The following PDGFRA variants were observed in gnomAD, a reference collection of about 807,000 sequenced individuals.
PDGFRA encodes platelet derived growth factor receptor alpha, also known as platelet-derived growth factor receptor alpha.
A neutral mutation model predicts 121.5 loss-of-function variants in PDGFRA; 25 were observed. The ratio of observed to expected loss-of-function variants is 0.21; its 90% confidence interval spans 0.15 to 0.29. The LOEUF (loss-of-function observed/expected upper bound fraction) is 0.29. PDGFRA is among the 10% of genes least tolerant of loss of function. The pLI is 1.00. For synonymous variants in PDGFRA, 463 were observed against 494.8 expected (o/e 0.94, Z 0.85); for missense variants, 1,008 against 1,345.1 (o/e 0.75, Z 3.92).
chr4:54,231,230 T>C (rs961417796), intron 1 of PDGFRA, among the ~76,000 whole-genome samples: 8 of 152,308 alleles, frequency 5.3e-5, no homozygotes, highest in Admixed American at 1.3e-4. Context: ...CAAGCATGGA[T>C]GGGGCCCATA....
At chr4:54,247,518 A>G (rs1292084872) in intron 1 of PDGFRA, among the ~76,000 whole-genome samples, 1 of 152,038 alleles carries the variant, frequency 6.6e-6, no homozygotes, top group Non-Finnish European at 1.5e-5. Context: ...AAAATTCAAC[A>G]ACCCTTCATG....
At chr4:54,254,072 C>G (rs922587893) in intron 1 of PDGFRA, among the ~76,000 whole-genome samples, 45 of 152,172 alleles carry the variant, frequency 3.0e-4, no homozygotes, top group Non-Finnish European at 5.7e-4. Flanking sequence ...TAGGTGAGCT[C>G]CAGAATAGCA....
At chr4:54,239,500 G>A (rs1432418705) in intron 1 of PDGFRA, among the ~76,000 whole-genome samples, 1 of 152,146 alleles carries the variant, frequency 6.6e-6, no homozygotes, top group African/African-American at 2.4e-5. Flanking sequence ...ATCTTTTCTG[G>A]TGACCAATGA....
intron 2 of PDGFRA, among the ~76,000 whole-genome samples, chr4:54,260,527 G>A (rs1381066969): frequency 6.7e-6 from 1 of 149,572 alleles, no homozygotes; most frequent in East Asian, 2.0e-4. Context: ...AGCCTCCAGA[G>A]TAGCTAGGAC....
chr4:54,229,611 T>G (rs904240463), intron 1 of PDGFRA, among the ~76,000 whole-genome samples, 196 bp downstream of exon 1: 27 of 152,030 alleles, frequency 1.8e-4, no homozygotes, highest in Admixed American at 1.0e-3. Flanking sequence ...GAGATAACCA[T>G]AGAGTTAGAA....
chr4:54,269,957 CT>C (rs1321759098), intron 7 of PDGFRA, among the ~76,000 whole-genome samples: 3 of 151,760 alleles, frequency 2.0e-5, no homozygotes, highest in African/African-American at 7.3e-5. Flanking sequence ...CAGCCTATAA[CT>C]TTTTTTTAAT....
chr4:54,291,663 C>T (rs1425147738), intron 22 of PDGFRA, among the ~76,000 whole-genome samples: 7 of 152,108 alleles, frequency 4.6e-5, no homozygotes, highest in East Asian at 1.9e-4. Context: ...AAAGGGGAAG[C>T]GTATACACTG....
In PDGFRA at chr4:54,287,441, C is replaced by A. The variant is rs771421611; in HGVS notation, c.2574C>A (p.Pro858=). 4.2e-6 allele frequency: 6 copies of A among 1,443,456 alleles called. No individual in the cohort carries two copies. The East Asian group carries it at 1.4e-4, about 33-fold the overall frequency. The allele number at this position is 1,443,456 out of a possible 1,614,324, so 89.4% of individuals were successfully genotyped here. ...CTCCTTCCTTGCAGACCTTTCTGCCCGTGAAGTGGATGGCTCCTGAGAGCA... is the reference window on the plus strand; with the variant it reads ...CTCCTTCCTTGCAGACCTTTCTGCCAGTGAAGTGGATGGCTCCTGAGAGCA... ...NYVSKGSTFL[P]VKWMAPESIF... Residue 858 remains proline (P), a synonymous_variant, in exon 19 of 23, where the codon CCC becomes CCA. Transcript: ENST00000257290.
chr4:54,244,307 G>A (rs1241155035), intron 1 of PDGFRA, among the ~76,000 whole-genome samples: 1 of 152,184 alleles, frequency 6.6e-6, no homozygotes, highest in African/African-American at 2.4e-5. Flanking sequence ...GCCTAACTGG[G>A]AGGCACCCCC....
intron 10 of PDGFRA, 150 bp from the exon 11 acceptor site, chr4:54,274,381 A>G (rs1471874214): frequency 1.4e-6 from 1 of 698,720 alleles, no homozygotes; most frequent in African/African-American, 1.7e-5. Flanking sequence ...GAGAGATGGT[A>G]CTGCCTATCC....
chr4:54,281,133 G>A (rs572829747), intron 16 of PDGFRA, among the ~76,000 whole-genome samples: 18 of 152,132 alleles, frequency 1.2e-4, no homozygotes, highest in Non-Finnish European at 2.5e-4. Flanking sequence ...TAAACTCCAG[G>A]GAGTCCAGCT....
chr4:54,282,584 A>G (rs1724132787), intron 16 of PDGFRA, among the ~76,000 whole-genome samples: 1 of 152,184 alleles, frequency 6.6e-6, no homozygotes, highest in African/African-American at 2.4e-5. Flanking sequence ...ACAATTCAAC[A>G]TGAGATTTGG....
At position 54,265,360 on chromosome 4, in the gene PDGFRA, G is replaced by A. The variant is rs924736497; in HGVS notation, c.759+311G>A. ...CAAGATATCAACCAAAAAATTAGAA[G>A]AGCAAAAAAACCACTGGATTTTACT... On this transcript the variant is annotated intron_variant, in intron 5 of 22. Transcript: ENST00000257290. 6.1e-5 allele frequency: 21 copies of A among 344,692 alleles called. No homozygotes were observed. The East Asian group carries it at 1.4e-3, about 22-fold the overall frequency. The allele number at this position is 344,692 out of a possible 1,614,324, so 21.4% of individuals were successfully genotyped here.
intron 2 of PDGFRA, among the ~76,000 whole-genome samples, chr4:54,259,066 T>C (rs1279431053): frequency 6.6e-6 from 1 of 152,208 alleles, no homozygotes; most frequent in African/African-American, 2.4e-5. Context: ...GGCATTGAAA[T>C]GTTGTTAGTA....
chr4:54,281,240 G>T (rs1197315768), intron 16 of PDGFRA, among the ~76,000 whole-genome samples: 2 of 152,182 alleles, frequency 1.3e-5, no homozygotes, highest in Non-Finnish European at 1.5e-5. Flanking sequence ...TCTGACATTG[G>T]CTTGTCCTGT....
chr4:54,232,246 C>A (rs1231415649), intron 1 of PDGFRA, among the ~76,000 whole-genome samples: 1 of 152,248 alleles, frequency 6.6e-6, no homozygotes, highest in Non-Finnish European at 1.5e-5. Context: ...GGCAGATAAT[C>A]TTTCGGTCTC....
intron 8 of PDGFRA, among the ~76,000 whole-genome samples, chr4:54,272,129 G>C (rs2110285897): frequency 6.6e-6 from 1 of 150,960 alleles, no homozygotes; most frequent in Admixed American, 6.6e-5. Context: ...CTACATGTGT[G>C]AGGCATCACA....
chr4:54,290,803 T>G (rs1313285376), intron 22 of PDGFRA, among the ~76,000 whole-genome samples: 3 of 152,180 alleles, frequency 2.0e-5, no homozygotes, highest in African/African-American at 7.2e-5. Context: ...TGGTGGAGAA[T>G]CTTTGAGCTA....
intron 1 of PDGFRA, among the ~76,000 whole-genome samples, chr4:54,231,692 C>T (rs1243472808): frequency 6.6e-6 from 1 of 152,270 alleles, no homozygotes; most frequent in Non-Finnish European, 1.5e-5. Context: ...CCTGGTCAGG[C>T]CCTGCTTCGG....
Sources: gnomAD v4.1 joint callset for allele counts (sites outside exome capture counted in the v4.1 genomes callset) on GRCh38, gnomAD v4.1.1 for gene constraint, MANE v1.5 for transcripts, NCBI Gene and HGNC (gene_info 2026-07-23, HGNC 2026-07-21) for gene names.